The following MCF2 variants were observed in gnomAD, a reference collection of about 807,000 sequenced individuals.
MCF2 encodes the protein MCF.2 cell line derived transforming sequence.
MCF2 carries 44 observed loss-of-function variants against 82.5 expected under a neutral mutation model. The ratio of observed to expected loss-of-function variants is 0.53; its 90% CI spans 0.42 to 0.69. MCF2 has a LOEUF of 0.69. Ranked by LOEUF, MCF2 falls within the 30% of genes least tolerant of loss-of-function variation. The pLI, the probability that MCF2 is intolerant of heterozygous loss-of-function variation, is 0.00. For synonymous variants in MCF2, 217 were observed against 224.9 expected (o/e 0.96, Z 0.32); for missense variants, 623 against 663.1 (o/e 0.94, Z 0.66).
At chrX:139,593,826 C>T (rs1283751499) in intron 19 of MCF2, among the ~76,000 whole-genome samples, 1 of 110,749 alleles carries the variant, frequency 9.0e-6, no homozygotes, top group African/African-American at 3.3e-5. Flanking sequence ...CTAGAAAACC[C>T]CATTGTCTCA....
At chrX:139,633,343 T>A (rs1220502637) in intron 1 of MCF2, among the ~76,000 whole-genome samples, 1 of 111,801 alleles carries the variant, frequency 8.9e-6, no homozygotes, top group Non-Finnish European at 1.9e-5. Context: ...TAATAACAAA[T>A]CACCACGTAC....
chrX:139,653,848 T>G (rs1482195723), intron 1 of MCF2, among the ~76,000 whole-genome samples: 2 of 110,841 alleles, frequency 1.8e-5, no homozygotes, highest in African/African-American at 6.6e-5. Context: ...TCTATCTTCA[T>G]GAGATCCATT....
chrX:139,626,230 T>C (rs1336591106), exon 6 of MCF2: 8 of 1,205,379 alleles, frequency 6.6e-6, no homozygotes, highest in Non-Finnish European at 9.0e-6. Context: ...TAGTTGCAGA[T>C]ACTGCTCCAT....
chrX:139,627,775 T>A (rs1468423434), intron 4 of MCF2, among the ~76,000 whole-genome samples: 2 of 111,968 alleles, frequency 1.8e-5, no homozygotes, highest in Non-Finnish European at 3.8e-5. Context: ...AACCTCACTG[T>A]AAAGATACAG....
chrX:139,674,786 T>C (rs1045638948), intron 1 of MCF2, among the ~76,000 whole-genome samples: 1 of 111,843 alleles, frequency 8.9e-6, no homozygotes, highest in Non-Finnish European at 1.9e-5. Flanking sequence ...TTGGTGAATC[T>C]GACAACTATG....
At chrX:139,664,161 T>C (rs5954128) in intron 1 of MCF2, among the ~76,000 whole-genome samples, 2,909 of 110,296 alleles carry the variant, frequency 0.026, 99 homozygotes, top group African/African-American at 0.091. Context: ...CAAGCCCCCA[T>C]GCTCAGCTAA....
intron 1 of MCF2, among the ~76,000 whole-genome samples, chrX:139,701,366 G>A (rs533955134): frequency 4.5e-5 from 5 of 111,920 alleles, no homozygotes; most frequent in Admixed American, 9.5e-5. Flanking sequence ...TCTGGGTGTC[G>A]CTGTAAGGTT....
chrX:139,604,973 C>T (rs778684779), exon 14 of MCF2: 48 of 1,120,902 alleles, frequency 4.3e-5, no homozygotes, highest in African/African-American at 2.2e-4. Flanking sequence ...TATCCATCTC[C>T]GCTCTATAAC....
rs150197442 is a variant in MCF2, at chrX:139,689,991, C to A, written c.-45+18115G>T. On this transcript the variant is annotated intron_variant, in intron 1 of 27. Transcript: ENST00000414978. ...ACATATTTTAATATATAAATAGCTT[C>A]GAAGTATATGGAAATCCATTTTACA... is the stretch of plus-strand genomic sequence containing the variant. Among the ~76,000 whole-genome samples the A allele has an allele frequency of 7.9e-3, 889 of 112,127 alleles. 8 individuals are homozygous for A. The highest frequency in any genetic ancestry group is 0.027 in the African/African-American group (839 of 30,891).
chrX:139,675,278 C>T (rs765047649), intron 1 of MCF2, among the ~76,000 whole-genome samples: 7 of 111,942 alleles, frequency 6.3e-5, no homozygotes, highest in African/African-American at 9.8e-5. Flanking sequence ...TTGTTATTAC[C>T]GACCTTCTGA....
chrX:139,678,367 A>G (rs957907271), intron 1 of MCF2, among the ~76,000 whole-genome samples: 2 of 111,712 alleles, frequency 1.8e-5, no homozygotes, highest in Admixed American at 1.9e-4. Flanking sequence ...TGGGAATCAG[A>G]TCAGAGAAAA....
chrX:139,608,463 C>T (rs1396243366), intron 11 of MCF2, among the ~76,000 whole-genome samples: 1 of 111,014 alleles, frequency 9.0e-6, no homozygotes, highest in Non-Finnish European at 1.9e-5. Context: ...ACTGGCCTAC[C>T]GAGTCAACTG....
intron 6 of MCF2, 77 bp downstream of exon 9, chrX:139,626,116 G>T: frequency 1.8e-6 from 1 of 549,707 alleles, no homozygotes; most frequent in Non-Finnish European, 2.8e-6. Flanking sequence ...ATCTTGCAAG[G>T]CAGGATTTCT....
At chrX:139,671,229 G>A (rs927101969) in intron 1 of MCF2, among the ~76,000 whole-genome samples, 13 of 111,848 alleles carry the variant, frequency 1.2e-4, no homozygotes, top group African/African-American at 4.2e-4. Context: ...TGTCAGTTAG[G>A]TAGATTGCAA....
At chrX:139,643,985 A>G (rs1184172281), upstream of MCF2, among the ~76,000 whole-genome samples, 2 of 112,010 alleles carry the variant, frequency 1.8e-5, no homozygotes, top group African/African-American at 6.5e-5. Flanking sequence ...TATTTAGTAT[A>G]AGAGAAGCAA....
At chrX:139,595,570 A>C (rs1318529966) in intron 19 of MCF2, among the ~76,000 whole-genome samples, 30 of 66,508 alleles carry the variant, frequency 4.5e-4, no homozygotes, top group Admixed American at 4.9e-4. Flanking sequence ...CACTCCGGGG[A>C]CTGTTGTGGG....
At chrX:139,651,106 G>A (rs1933989552) in intron 2 of MCF2, among the ~76,000 whole-genome samples, 2 of 110,220 alleles carry the variant, frequency 1.8e-5, no homozygotes, top group Non-Finnish European at 3.8e-5. Context: ...TCCGGAGATG[G>A]TGGTGGCAAT....
chrX:139,613,487 G>A (rs1198268658), intron 10 of MCF2, among the ~76,000 whole-genome samples: 1 of 111,658 alleles, frequency 9.0e-6, no homozygotes, highest in East Asian at 2.8e-4. Context: ...GAAAGGACTA[G>A]TCCAGTTTAT....
chrX:139,594,501 G>A (rs1426532678), intron 19 of MCF2, among the ~76,000 whole-genome samples: 23 of 110,103 alleles, frequency 2.1e-4, no homozygotes, highest in African/African-American at 7.6e-4. Flanking sequence ...AATAAATGGT[G>A]CTGGGAAAAC....
Sources: gnomAD v4.1 joint callset for allele counts (sites outside exome capture counted in the v4.1 genomes callset) on GRCh38, gnomAD v4.1.1 for gene constraint, MANE v1.5 for transcripts, NCBI Gene and HGNC (gene_info 2026-07-23, HGNC 2026-07-21) for gene names.